Variants in CCDC126 observed in about 807,000 individuals in gnomAD.
The protein encoded by CCDC126 is coiled-coil domain-containing protein 126.
A neutral mutation model predicts 11.7 loss-of-function variants in CCDC126; 5 were observed. The observed-to-expected ratio is 0.43, with a 90% CI of 0.22 to 0.90. The LOEUF is 0.90. CCDC126 is among the 40% of genes least tolerant of loss of function. The probability of loss-of-function intolerance (pLI) is 0.27; values close to 1 mark genes in which losing one functional copy is unlikely to be tolerated. For missense variants in CCDC126, 150 were observed against 163.1 expected (o/e 0.92, Z 0.44); for synonymous variants, 60 against 61.9 (o/e 0.97, Z 0.14).
intron 2 of CCDC126, among the ~76,000 whole-genome samples, chr7:23,600,118 G>A (rs1782510353): frequency 6.6e-6 from 1 of 152,094 alleles, no homozygotes; most frequent in African/African-American, 2.4e-5. Flanking sequence ...GTAGCATAAT[G>A]GTTAGTTTTC....
At chr7:23,611,093 G>C (rs932896637) in intron 2 of CCDC126, 78 bp from the exon 3 acceptor site, 1 of 340,032 alleles carries the variant, frequency 2.9e-6, no homozygotes, top group Non-Finnish European at 5.3e-6. Flanking sequence ...AAAAATTATA[G>C]AATATTTTCT....
intron 2 of CCDC126, among the ~76,000 whole-genome samples, chr7:23,606,042 A>T (rs1782617791): frequency 6.6e-6 from 1 of 151,496 alleles, no homozygotes; most frequent in Non-Finnish European, 1.5e-5. Flanking sequence ...GTGGTATTTC[A>T]TAGTGGTTTT....
intron 3 of CCDC126, among the ~76,000 whole-genome samples, chr7:23,627,921 G>T (rs1429674877): frequency 1.3e-5 from 2 of 152,092 alleles, no homozygotes; most frequent in African/African-American, 4.8e-5. Flanking sequence ...ATATTTAAAT[G>T]TTCTTCAGAA....
chr7:23,617,348 CAAAAAAAAAAAAAA>C (rs35391703), intron 3 of CCDC126, among the ~76,000 whole-genome samples: 5 of 36,238 alleles, frequency 1.4e-4, no homozygotes, highest in Non-Finnish European at 2.0e-4. Context: ...ATGCTGTCTC[CAAAAAAAAAAAAAA>C]AAAAAAAAAA....
chr7:23,634,119 A>G (rs993573253), intron 3 of CCDC126, among the ~76,000 whole-genome samples: 4 of 152,194 alleles, frequency 2.6e-5, no homozygotes, highest in African/African-American at 9.7e-5. Context: ...TGACATTAAG[A>G]GTACAAACCA....
At chr7:23,642,488 A>T (rs955387565) in intron 3 of CCDC126, among the ~76,000 whole-genome samples, 2 of 152,082 alleles carry the variant, frequency 1.3e-5, no homozygotes, top group Non-Finnish European at 2.9e-5. Flanking sequence ...TAGGGCCAGG[A>T]GCAGTGGCTG....
chr7:23,607,940 C>G (rs137942435), intron 2 of CCDC126, among the ~76,000 whole-genome samples: 1 of 152,138 alleles, frequency 6.6e-6, no homozygotes, highest in Admixed American at 6.5e-5. Context: ...GCATAGCCTC[C>G]GTCCAGAAGC....
chr7:23,609,733 A>C (rs535631076), intron 2 of CCDC126, among the ~76,000 whole-genome samples: 1 of 151,952 alleles, frequency 6.6e-6, no homozygotes, highest in South Asian at 2.1e-4. Flanking sequence ...GTGGTGGTGC[A>C]TGCCTGTGGT....
chr7:23,616,238 GA>G (rs1782793148), intron 3 of CCDC126, among the ~76,000 whole-genome samples: 1 of 152,252 alleles, frequency 6.6e-6, no homozygotes, highest in East Asian at 1.9e-4. Flanking sequence ...TTATATTGAA[GA>G]AATCTTTCCT....
rs1388513820 is a variant in CCDC126 at position 23,612,491 on chromosome 7, A to AC, written c.238+938_238+939insC. Reference sequence around the variant, plus strand: ...CTCCATCTCAAAAAAAAAAAAAAAAAAAAAAAAAAACAAAGAAAAAAGAAA... The same window carrying AC: ...CTCCATCTCAAAAAAAAAAAAAAAAACAAAAAAAAAACAAAGAAAAAAGAAA... On this transcript the variant is annotated intron_variant, in intron 3 of 3. Transcript: ENST00000307471. 1.9e-3 allele frequency among the ~76,000 whole-genome samples: 277 copies of AC among 149,704 alleles called. 2 individuals are homozygous for AC. The highest frequency in any genetic ancestry group is 2.2e-3 in the Non-Finnish European group (146 of 67,558).
intron 3 of CCDC126, among the ~76,000 whole-genome samples, chr7:23,616,163 C>T (rs1584200873): frequency 6.6e-6 from 1 of 152,194 alleles, no homozygotes; most frequent in South Asian, 2.1e-4. Context: ...TCTACTGCAT[C>T]CCCCTACAGT....
chr7:23,642,403 C>T (rs750623826), intron 3 of CCDC126, among the ~76,000 whole-genome samples: 7 of 152,076 alleles, frequency 4.6e-5, no homozygotes, highest in South Asian at 2.1e-4. Context: ...ACTAGAAAAG[C>T]GAGAGTTTCC....
intron 3 of CCDC126, among the ~76,000 whole-genome samples, chr7:23,616,568 T>G (rs1782798545): frequency 6.6e-6 from 1 of 152,226 alleles, no homozygotes; most frequent in African/African-American, 2.4e-5. Flanking sequence ...ATAATTTTCC[T>G]TGAGATGGAA....
chr7:23,611,225 A>ATAT lies in CCDC126; in HGVS notation c.-89_-87dup. Reference sequence around the variant, plus strand: ...AGATGAAGAATATACAATATTGAGGATATTTTTTTCTTTTTTTTTTCAAGT... The same window carrying ATAT: ...AGATGAAGAATATACAATATTGAGGATATTATTTTTTTCTTTTTTTTTTCAAGT... On this transcript the variant is annotated 5_prime_UTR_variant, in exon 3 of 4. Coordinates refer to ENST00000307471, the MANE Select transcript of CCDC126 (RefSeq NM_138771.4). 1 of 766,480 alleles carries ATAT rather than the reference A, an allele frequency of 1.3e-6. No individual in the cohort carries two copies. The highest frequency in any genetic ancestry group is 2.1e-5 in the Admixed American group (1 of 47,034). The allele number at this position is 766,480 out of a possible 1,614,324, so 47.5% of individuals were successfully genotyped here. A position where few individuals can be genotyped will look rare whatever the true frequency, so the allele number is the denominator to read the frequency against.
chr7:23,640,613 T>G (rs1783337657), intron 3 of CCDC126, among the ~76,000 whole-genome samples: 1 of 152,254 alleles, frequency 6.6e-6, no homozygotes, highest in South Asian at 2.1e-4. Flanking sequence ...AAACAAGAAA[T>G]CTATAAAATT....
At chr7:23,641,132 T>C (rs1447747162) in intron 3 of CCDC126, among the ~76,000 whole-genome samples, 2 of 151,964 alleles carry the variant, frequency 1.3e-5, no homozygotes, top group Admixed American at 6.6e-5. Flanking sequence ...CCACCACTAA[T>C]GTATGAGGGT....
At chr7:23,642,644 T>G (rs550077606) in intron 3 of CCDC126, among the ~76,000 whole-genome samples, 140 of 151,404 alleles carry the variant, frequency 9.2e-4, no homozygotes, top group African/African-American at 3.0e-3. Flanking sequence ...GCGCCTGTAA[T>G]CCCAGCTAAT....
At chr7:23,632,819 G>C (rs1445250783) in intron 3 of CCDC126, among the ~76,000 whole-genome samples, 1 of 152,178 alleles carries the variant, frequency 6.6e-6, no homozygotes, top group African/African-American at 2.4e-5. Context: ...TATTAGATAT[G>C]ATTTTGATGT....
In CCDC126 at chr7:23,611,473, G is replaced by C; in HGVS notation, c.158G>C (p.Ser53Thr). The change falls in exon 3 of 4, where the codon AGC becomes ACC. Residue 53 changes from serine to threonine, a missense_variant. Ser to Thr is a moderately conservative substitution (Grantham distance 58, BLOSUM62 1). Transcript: ENST00000307471. Reference sequence around the variant, plus strand: ...TTACGTGAGCAAATACTAGACTTAAGCAAAAGATATGTTAAAGCTCTAGCA... The same window carrying C: ...TTACGTGAGCAAATACTAGACTTAACCAAAAGATATGTTAAAGCTCTAGCA... ...VKLREQILDL[S>T]KRYVKALAEE... is the part of the protein sequence containing the mutation. 1.2e-6 allele frequency: 2 copies of C among 1,613,986 alleles called. No individual in the cohort carries two copies. The highest frequency in any genetic ancestry group is 1.7e-6 in the Non-Finnish European group (2 of 1,179,948).
Sources: gnomAD v4.1 joint callset for allele counts (sites outside exome capture counted in the v4.1 genomes callset) on GRCh38, gnomAD v4.1.1 for gene constraint, MANE v1.5 for transcripts, NCBI Gene and HGNC (gene_info 2026-07-23, HGNC 2026-07-21) for gene names.